The following ERI2 variants were observed in gnomAD, a reference collection of about 807,000 sequenced individuals.
ERI2 encodes ERI1 exoribonuclease family member 2.
Under a neutral mutation model 46.8 loss-of-function variants are expected in ERI2, and 35 were observed. That is an observed-to-expected ratio of 0.75 (90% CI 0.57 to 0.99). The LOEUF (loss-of-function observed/expected upper bound fraction) is 0.99. Ranked by LOEUF, ERI2 falls within the 50% of genes least tolerant of loss-of-function variation. ERI2 has a pLI of 0.00. For synonymous variants in ERI2, 224 were observed against 271.0 expected, an observed-to-expected ratio of 0.83 and a Z score of 1.70; for missense variants, 695 against 796.2, an observed-to-expected ratio of 0.87 and a Z score of 1.53.
chr16:20,785,676 G>A (rs1390499085), intron 10 of ERI2, among the ~76,000 whole-genome samples: 1 of 152,064 alleles, frequency 6.6e-6, no homozygotes, highest in East Asian at 1.9e-4. Context: ...ATAGATAAGG[G>A]AAAAGTTGAA....
chr16:20,796,336 C>G, downstream of ERI2: 1 of 1,601,192 alleles, frequency 6.2e-7, no homozygotes, highest in Non-Finnish European at 8.5e-7. Context: ...AAATGCATAA[C>G]TCATTTTCCT....
chr16:20,781,067 G>T, intron 10 of ERI2: 1 of 1,614,156 alleles, frequency 6.2e-7, no homozygotes, highest in Non-Finnish European at 8.5e-7. Context: ...TTTCTCCGTG[G>T]ATCCAGGGAG....
intron 10 of ERI2, among the ~76,000 whole-genome samples, chr16:20,782,936 T>C (rs2080384651): frequency 6.6e-6 from 1 of 152,222 alleles, no homozygotes; most frequent in Admixed American, 6.5e-5. Flanking sequence ...GGGGGTGCAC[T>C]ACCTTTCCGG....
intron 7 of ERI2, 28 bp downstream of exon 7, chr16:20,799,929 G>C (rs1301634726): frequency 7.4e-7 from 1 of 1,359,238 alleles, no homozygotes; most frequent in Non-Finnish European, 1.0e-6. Context: ...AAGTCAAATG[G>C]CTTACATAAT....
chr16:20,781,195 G>A, intron 10 of ERI2: 2 of 1,569,664 alleles, frequency 1.3e-6, no homozygotes, highest in Non-Finnish European at 1.7e-6. Context: ...GACAGAACTG[G>A]TGAATAAAGC....
chr16:20,801,168 C>A, intron 5 of ERI2, 35 bp downstream of exon 5: 2 of 1,526,454 alleles, frequency 1.3e-6, no homozygotes, highest in Non-Finnish European at 8.8e-7. Flanking sequence ...GTAATGCTAC[C>A]CATCTGTGAT....
rs922775709 is a variant in ERI2 at position 20,800,157 on chromosome 16, GT to G, written c.562-120del. ...AGAATGTGCTTATTTTTTGTGTGTT[GT>G]TTTTAAATACTTTAAGAAATGCATT... is the stretch of plus-strand genomic sequence containing the variant. On this transcript the variant is annotated intron_variant, in intron 6 of 8. Transcript: ENST00000357967. The G allele has an allele frequency of 1.6e-5, 14 of 877,910 alleles. No homozygotes were observed. In the African/African-American group the frequency reaches 2.4e-4, roughly 15 times the overall value. The allele number at this position is 877,910 out of a possible 1,614,324, so 54.4% of individuals were successfully genotyped here.
intron 1 of ERI2, among the ~76,000 whole-genome samples, chr16:20,803,931 C>T (rs879071575): frequency 1.3e-5 from 2 of 152,252 alleles, no homozygotes; most frequent in South Asian, 2.1e-4. Context: ...CCACTCACTA[C>T]AGCCTTAATC....
chr16:20,780,870 A>G (rs1430101187), intron 10 of ERI2: 3 of 1,613,970 alleles, frequency 1.9e-6, no homozygotes, highest in Non-Finnish European at 2.5e-6. Flanking sequence ...ATACTTTCAC[A>G]AAAGTGCAGC....
intron 5 of ERI2, 37 bp from the exon 6 acceptor site, chr16:20,800,439 AT>A (rs1380461344): frequency 7.6e-7 from 1 of 1,312,992 alleles, no homozygotes; most frequent in Admixed American, 1.9e-5. Flanking sequence ...AAAGTCAATG[AT>A]GCCAGCATTT....
In ERI2 at chr16:20,798,149, T is replaced by C. The variant is rs2080754655; in HGVS notation, c.1651A>G (p.Thr551Ala). 5 of 1,551,542 alleles carry C rather than the reference T, an allele frequency of 3.2e-6. No individual in the cohort carries two copies. In the East Asian group the frequency reaches 1.2e-4, roughly 38 times the overall value. Residue 551 changes from threonine to alanine, a missense_variant, in exon 9 of 9, where the codon ACT becomes GCT. Transcript: ENST00000357967. ...GATGTAGGCTTTTCTTCATGAATAG[T>C]GAAGGGTTGTTTTTTTGCTGGTGGG... ...AFPPAKKQPF[T>A]IHEEKPTSSD...
downstream of ERI2, chr16:20,792,247 G>T (rs147098227): frequency 1.1e-5 from 18 of 1,613,950 alleles, no homozygotes; most frequent in Non-Finnish European, 1.3e-5. Flanking sequence ...TATCGAATTG[G>T]ACCATTTGAG....
downstream of ERI2, chr16:20,792,399 G>A: frequency 6.3e-7 from 1 of 1,593,452 alleles, no homozygotes; most frequent in East Asian, 2.2e-5. Flanking sequence ...CTTACAAACA[G>A]TAGCTCAGTG....
chr16:20,785,220 G>GA, intron 10 of ERI2: 1 of 1,421,974 alleles, frequency 7.0e-7, no homozygotes, highest in Non-Finnish European at 9.5e-7. Flanking sequence ...TGAGTGGTTA[G>GA]AAAATGTTTA....
chr16:20,791,925 CG>C, downstream of ERI2: 2 of 1,410,748 alleles, frequency 1.4e-6, no homozygotes, highest in South Asian at 2.5e-5. Flanking sequence ...GAGACTGTCT[CG>C]GAAAAAAAAA....
rs932180279 is a variant in ERI2 at position 20,797,148 on chromosome 16, A to G, written c.*576T>C. ...AAATTTTGAAATAAAATATTTGGCAAATTCCTCCACATTAGTGTCAATGTT... is the reference window on the plus strand; with the variant it reads ...AAATTTTGAAATAAAATATTTGGCAGATTCCTCCACATTAGTGTCAATGTT... On this transcript the variant is annotated 3_prime_UTR_variant, in exon 9 of 9. Coordinates refer to ENST00000357967, the MANE Select transcript of ERI2 (RefSeq NM_001142725.2). The G allele has an allele frequency of 1.2e-4, 157 of 1,358,310 alleles. No homozygotes were observed. The highest frequency in any genetic ancestry group is 1.4e-4 in the Non-Finnish European group (145 of 1,058,462). 84.1% of individuals were successfully genotyped at this position (1,358,310 alleles called of 1,614,324 possible).
rs1467865249 is a variant in ERI2 at position 20,796,391 on chromosome 16, C to G, written c.*1333G>C. On this transcript the variant is annotated 3_prime_UTR_variant, in exon 9 of 9. Coordinates refer to ENST00000357967, the MANE Select transcript of ERI2 (RefSeq NM_001142725.2). ...TTAGGTAGTAAAGGCTTTTGTCGTT[C>G]TAAATCCTGATTACAAGTCACATGA... 6.2e-7 allele frequency: 1 copy of G among 1,611,950 alleles called. No individual in the cohort carries two copies. The highest frequency in any genetic ancestry group is 1.3e-5 in the African/African-American group (1 of 74,684).
chr16:20,798,984 G>C lies in ERI2; in HGVS notation c.816C>G (p.Ser272Arg). Residue 272 changes from serine to arginine, a missense_variant, in exon 9 of 9, where the codon AGC becomes AGG. Ser to Arg is a moderately radical substitution (Grantham distance 110). Transcript: ENST00000357967. ...QVEEMSACNI[S>R]IQGPSIYNKE... The stretch of plus-strand genomic sequence containing the variant: ...TATTATATATGCTGGGACCCTGGAT[G>C]CTAATGTTACAGGCAGACATTTCTT... 6.5e-7 allele frequency: 1 copy of C among 1,543,426 alleles called. No homozygotes were observed. Among genetic ancestry groups the C allele is most frequent in the East Asian group, 2.4e-5 (1 of 40,876 alleles).
chr16:20,797,479 T>C lies in ERI2; in HGVS notation c.*245A>G. ...TATTAGTCACATTTTTTGCAAATAA[T>C]TTAAAAATAGTTTAGACTTGTTTCA... On this transcript the variant is annotated 3_prime_UTR_variant, in exon 9 of 9. Transcript: ENST00000357967. 5 of 1,092,058 alleles carry C rather than the reference T, an allele frequency of 4.6e-6. No individual in the cohort carries two copies. The highest frequency in any genetic ancestry group is 4.0e-4 in the Middle Eastern group (1 of 2,484). 67.6% of individuals were successfully genotyped at this position (1,092,058 alleles called of 1,614,324 possible). A position where few individuals can be genotyped will look rare whatever the true frequency, so the allele number is the denominator to read the frequency against.
Sources: gnomAD v4.1 joint callset for allele counts (sites outside exome capture counted in the v4.1 genomes callset) on GRCh38, gnomAD v4.1.1 for gene constraint, MANE v1.5 for transcripts, NCBI Gene and HGNC (gene_info 2026-07-23, HGNC 2026-07-21) for gene names.